Variants in GLRB observed in about 807,000 individuals in gnomAD.
GLRB encodes glycine receptor subunit beta.
GLRB carries 33 observed loss-of-function variants against 54.2 expected under a neutral mutation model. The ratio of observed to expected loss-of-function variants is 0.61; its 90% CI spans 0.46 to 0.81. The LOEUF is 0.81. GLRB is among the 40% of genes least tolerant of loss of function. GLRB has a pLI of 0.00. For missense variants in GLRB, 572 were observed against 584.6 expected (o/e 0.98, Z 0.22); for synonymous variants, 209 against 208.2 (o/e 1.00, Z -0.03).
chr4:157,078,855 C>T (rs140003919), intron 2 of GLRB, among the ~76,000 whole-genome samples: 81 of 152,014 alleles, frequency 5.3e-4, no homozygotes, highest in Non-Finnish European at 1.0e-3. Flanking sequence ...TCACTGCAAC[C>T]TCTACCTCCC....
chr4:157,128,835 T>A (rs1736111973), intron 4 of GLRB, among the ~76,000 whole-genome samples: 1 of 151,836 alleles, frequency 6.6e-6, no homozygotes, highest in Non-Finnish European at 1.5e-5. Flanking sequence ...TGAGGCTAAA[T>A]TTTAAATCCT....
chr4:157,117,628 A>G (rs1735653097), intron 2 of GLRB, among the ~76,000 whole-genome samples: 1 of 151,642 alleles, frequency 6.6e-6, no homozygotes, highest in Non-Finnish European at 1.5e-5. Flanking sequence ...TACTCCTAAG[A>G]GAGTGCCACA....
At chr4:157,090,529 G>A (rs775162431) in intron 2 of GLRB, among the ~76,000 whole-genome samples, 2 of 152,134 alleles carry the variant, frequency 1.3e-5, no homozygotes, top group Non-Finnish European at 2.9e-5. Flanking sequence ...TAATGGCCTT[G>A]TAACTGTGAA....
intron 4 of GLRB, among the ~76,000 whole-genome samples, chr4:157,130,991 C>T (rs1736194065): frequency 6.6e-6 from 1 of 151,526 alleles, no homozygotes; most frequent in Non-Finnish European, 1.5e-5. Flanking sequence ...TAATACAAAA[C>T]TTGTTAATGT....
At chr4:157,158,204 T>C (rs1579249890) in intron 9 of GLRB, among the ~76,000 whole-genome samples, 1 of 152,228 alleles carries the variant, frequency 6.6e-6, no homozygotes, top group South Asian at 2.1e-4. Context: ...TAAATTTGTT[T>C]AAGTTCTTTG....
chr4:157,134,807 G>T (rs956093670), intron 4 of GLRB, among the ~76,000 whole-genome samples: 2 of 152,140 alleles, frequency 1.3e-5, no homozygotes, highest in African/African-American at 2.4e-5. Flanking sequence ...AACTGAATGT[G>T]TAGGAGACAT....
chr4:157,114,134 G>A (rs961458732), intron 2 of GLRB, among the ~76,000 whole-genome samples: 1 of 151,936 alleles, frequency 6.6e-6, no homozygotes, highest in African/African-American at 2.4e-5. Context: ...AGATGGAAAT[G>A]TAATGCTGAA....
At chr4:157,165,816 G>A (rs1244487062) in intron 9 of GLRB, among the ~76,000 whole-genome samples, 2 of 151,946 alleles carry the variant, frequency 1.3e-5, no homozygotes, top group South Asian at 2.1e-4. Context: ...AAAAGACAAA[G>A]AAAATAGTAC....
chr4:157,116,453 A>G (rs1470186116), intron 2 of GLRB, among the ~76,000 whole-genome samples: 1 of 151,684 alleles, frequency 6.6e-6, no homozygotes, highest in Non-Finnish European at 1.5e-5. Context: ...TCAGAATATG[A>G]AGACTTTAAT....
intron 7 of GLRB, among the ~76,000 whole-genome samples, chr4:157,139,858 G>T (rs2126574501): frequency 6.6e-6 from 1 of 152,002 alleles, no homozygotes; most frequent in African/African-American, 2.4e-5. Flanking sequence ...TAGTATAATT[G>T]TGTAAAACTG....
intron 2 of GLRB, among the ~76,000 whole-genome samples, chr4:157,108,454 A>T (rs1735301973): frequency 6.6e-6 from 1 of 152,060 alleles, no homozygotes; most frequent in Admixed American, 6.6e-5. Context: ...TTTTTGGATG[A>T]CTTTGAGTAG....
At chr4:157,137,728 G>A (rs1736456629) in intron 6 of GLRB, among the ~76,000 whole-genome samples, 1 of 152,074 alleles carries the variant, frequency 6.6e-6, no homozygotes. Flanking sequence ...ACATGTATGT[G>A]TTTATATGTT....
intron 6 of GLRB, among the ~76,000 whole-genome samples, chr4:157,138,179 C>T (rs1449992509): frequency 1.3e-5 from 2 of 152,170 alleles, no homozygotes; most frequent in African/African-American, 4.8e-5. Flanking sequence ...TCAAGCAATT[C>T]TCCTGCCTCA....
intron 2 of GLRB, among the ~76,000 whole-genome samples, chr4:157,089,313 C>G (rs1394560058): frequency 6.6e-6 from 1 of 152,080 alleles, no homozygotes; most frequent in Admixed American, 6.5e-5. Context: ...GTGGGAGAAT[C>G]ACCTGAGTCC....
intron 9 of GLRB, among the ~76,000 whole-genome samples, chr4:157,156,321 A>G (rs975019007): frequency 6.6e-6 from 1 of 152,112 alleles, no homozygotes; most frequent in Non-Finnish European, 1.5e-5. Flanking sequence ...TTGATTCTCA[A>G]CTTGGTCATT....
At chr4:157,110,765 T>G (rs1735389885) in intron 2 of GLRB, among the ~76,000 whole-genome samples, 1 of 152,054 alleles carries the variant, frequency 6.6e-6, no homozygotes, top group Non-Finnish European at 1.5e-5. Flanking sequence ...GATCGTGTGC[T>G]AGAGAAGACC....
intron 9 of GLRB, among the ~76,000 whole-genome samples, chr4:157,166,133 GT>G (rs11285651): frequency 0.23 from 34,518 of 151,774 alleles, 6,322 homozygotes; most frequent in African/African-American, 0.51. Context: ...TAATAGCATC[GT>G]TTTTTTATTC....
At chr4:157,161,307 A>C (rs571242635) in intron 9 of GLRB, among the ~76,000 whole-genome samples, 3 of 152,286 alleles carry the variant, frequency 2.0e-5, no homozygotes, top group Non-Finnish European at 4.4e-5. Flanking sequence ...GTGTCTTTTA[A>C]TTGGAGCATT....
chr4:157,131,694 G>A (rs1736221120), intron 4 of GLRB, among the ~76,000 whole-genome samples: 1 of 151,718 alleles, frequency 6.6e-6, no homozygotes. Flanking sequence ...AGCCTTTTCA[G>A]ATTAGCTTCT....
Sources: allele counts gnomAD v4.1 joint callset (sites outside exome capture counted in the v4.1 genomes callset), GRCh38; gene constraint gnomAD v4.1.1; transcripts MANE v1.5; gene names NCBI Gene and HGNC (gene_info 2026-07-23, HGNC 2026-07-21).